TBC1D16: variants seen among roughly 807,000 people sequenced by gnomAD.
The protein encoded by TBC1D16 is TBC1 domain family member 16.
In TBC1D16, 58 loss-of-function variants were observed where a neutral mutation model predicts 74.7. The ratio of observed to expected loss-of-function variants is 0.78; its 90% confidence interval spans 0.63 to 0.97. TBC1D16 has a LOEUF of 0.97. Among genes scored for constraint, TBC1D16 ranks in the 50% least tolerant of loss-of-function variants. TBC1D16 has a pLI of 0.00. For synonymous variants in TBC1D16, 493 were observed against 474.7 expected, an observed-to-expected ratio of 1.04 and a Z score of -0.50; for missense variants, 1,014 against 1,079.5, an observed-to-expected ratio of 0.94 and a Z score of 0.85.
chr17:79,984,660 A>AAGGAAGGAAGGAAG (rs2034754017), intron 3 of TBC1D16, among the ~76,000 whole-genome samples: 1 of 75,086 alleles, frequency 1.3e-5, no homozygotes, highest in African/African-American at 5.0e-5. Flanking sequence ...AAGGAAGGAA[A>AAGGAAGGAAGGAAG]GGAGACAAAC....
chr17:79,977,870 G>A (rs1459711118), intron 3 of TBC1D16, among the ~76,000 whole-genome samples: 3 of 152,236 alleles, frequency 2.0e-5, no homozygotes, highest in Non-Finnish European at 4.4e-5. Context: ...CGATTGATGC[G>A]GCTGCCAGTT....
At chr17:79,951,354 C>G in intron 5 of TBC1D16, 96 bp downstream of exon 5, 1 of 1,470,896 alleles carries the variant, frequency 6.8e-7, no homozygotes, top group Admixed American at 2.1e-5. Context: ...CCCCGGGGCC[C>G]GGGGACCCCA....
chr17:79,950,612 T>C lies in TBC1D16; in HGVS notation c.1090-34A>G, dbSNP rs749570794. The C allele has an allele frequency of 6.2e-7, 1 of 1,602,752 alleles. No individual in the cohort carries two copies. Among genetic ancestry groups the C allele is most frequent in the Non-Finnish European group, 8.5e-7 (1 of 1,174,794 alleles). On this transcript the variant is annotated intron_variant, in intron 5 of 11. Transcript: ENST00000310924. The surrounding 1 kb of genome is among the most constrained non-coding windows in gnomAD (Gnocchi z 4.6). ...GAGGAAAACTGGGCAAAGGTCAGGA[T>C]CTCAGCCGCGCGGCTTCAGAGGCCA...
intron 1 of TBC1D16, among the ~76,000 whole-genome samples, chr17:80,027,891 C>CAAAA (rs71163908): frequency 3.3e-4 from 22 of 66,756 alleles, no homozygotes; most frequent in South Asian, 5.7e-4. Flanking sequence ...GACTCCAACT[C>CAAAA]AAAAAAAAAA....
chr17:79,980,769 CTG>C lies in TBC1D16; in HGVS notation c.780-27953_780-27952del, dbSNP rs2034547315. 6.6e-6 allele frequency among the ~76,000 whole-genome samples: 1 copy of C among 152,222 alleles called. No individual in the cohort carries two copies. Among genetic ancestry groups the C allele is most frequent in the Non-Finnish European group, 1.5e-5 (1 of 68,038 alleles). On this transcript the variant is annotated intron_variant, in intron 3 of 11. Coordinates refer to ENST00000310924, the MANE Select transcript of TBC1D16 (RefSeq NM_019020.4). The surrounding 1 kb of genome is among the most constrained non-coding windows in gnomAD (Gnocchi z 7.0). ...GCAGAGACGTAACGTGCAGGACTGA[CTG>C]GTGCTTCCCAAAAATCTTCTCGGAC...
intron 3 of TBC1D16, among the ~76,000 whole-genome samples, chr17:79,973,480 C>T (rs1268915153): frequency 6.6e-6 from 1 of 152,130 alleles, no homozygotes; most frequent in Non-Finnish European, 1.5e-5. Flanking sequence ...AAGGCCAAGG[C>T]GGGCGGATCA....
chr17:79,949,371 G>A (rs945449880), intron 7 of TBC1D16, among the ~76,000 whole-genome samples: 2 of 152,248 alleles, frequency 1.3e-5, no homozygotes, highest in African/African-American at 4.8e-5. Context: ...CGGGTTAGCA[G>A]ATCCCAAGTG....
At chr17:80,019,310 C>T (rs143860023) in intron 1 of TBC1D16, among the ~76,000 whole-genome samples, 3,209 of 149,918 alleles carry the variant, frequency 0.021, 94 homozygotes, top group Non-Finnish European at 0.032. Flanking sequence ...TGCAGCTTTA[C>T]GGAGGAGAAG....
rs1198146419 is a variant in TBC1D16, at chr17:80,013,395, C to T, written c.153G>A (p.Gly51=). 6.2e-7 allele frequency: 1 copy of T among 1,608,780 alleles called. No individual in the cohort carries two copies. The highest frequency in any genetic ancestry group is 8.5e-7 in the Non-Finnish European group (1 of 1,178,086). Residue 51 remains glycine, a synonymous_variant, in exon 2 of 12, where the codon GGG becomes GGA. Coordinates refer to ENST00000310924, the MANE Select transcript of TBC1D16 (RefSeq NM_019020.4). ...GGTGGTGCTCCCCCAGCCCCTGCAG[C>T]CCCTCCGGCGGGTGCACGCAGACAT... ...KNNVCVHPPE[G]LQGLGEHHPG...
At chr17:80,003,389 A>T (rs982279434) in intron 3 of TBC1D16, among the ~76,000 whole-genome samples, 1 of 151,980 alleles carries the variant, frequency 6.6e-6, no homozygotes, top group Non-Finnish European at 1.5e-5. Flanking sequence ...AGAACGAAAC[A>T]CTCACTTCCC....
At chr17:80,024,602 T>TAGACACACACACCACACACC (rs2036468880) in intron 1 of TBC1D16, among the ~76,000 whole-genome samples, 2 of 105,420 alleles carry the variant, frequency 1.9e-5, no homozygotes, top group African/African-American at 7.9e-5. Flanking sequence ...CCACACACCA[T>TAGACACACACACCACACACC]AGACACACAC....
At chr17:79,960,688 G>A (rs1018586748) in intron 3 of TBC1D16, among the ~76,000 whole-genome samples, 2 of 148,510 alleles carry the variant, frequency 1.3e-5, no homozygotes, top group Non-Finnish European at 3.0e-5. Flanking sequence ...CCCTGGAGGC[G>A]AGGTTGCAGT....
intron 3 of TBC1D16, among the ~76,000 whole-genome samples, chr17:79,999,428 T>C (rs1468366100): frequency 6.6e-6 from 1 of 151,644 alleles, no homozygotes. Context: ...ACAATTACAA[T>C]TCCCAACTTT....
In TBC1D16 at chr17:80,018,517, C is replaced by T. The variant is rs1447875158; in HGVS notation, c.-62-4908G>A. On this transcript the variant is annotated intron_variant, in intron 1 of 11. Coordinates refer to ENST00000310924, the MANE Select transcript of TBC1D16 (RefSeq NM_019020.4). Reference sequence around the variant, plus strand: ...CAGGATGGTCTCGATCTCCTGACCTCGTGATCCGCCTGCCTCGGCCTCCCA... The same window carrying T: ...CAGGATGGTCTCGATCTCCTGACCTTGTGATCCGCCTGCCTCGGCCTCCCA... Among the ~76,000 whole-genome samples, 4 of 149,692 alleles carry T rather than the reference C, an allele frequency of 2.7e-5. 1 individual carries two copies. Among genetic ancestry groups the T allele is most frequent in the African/African-American group, 1.0e-4 (4 of 39,140 alleles).
rs2144383182 is a variant in TBC1D16 at position 79,985,807 on chromosome 17, T to C, written c.779+24353A>G. ...AGCTGTCCTAGAGTATTTGTTCTGC[T>C]GGCTCCCACCTCGCAGCCACAACTT... On this transcript the variant is annotated intron_variant, in intron 3 of 11. Transcript: ENST00000310924. This position sits in a 1 kb window ranked among gnomAD's most constrained non-coding sequence, Gnocchi z 4.9. Among the ~76,000 whole-genome samples the C allele has an allele frequency of 6.6e-6, 1 of 152,342 alleles. No homozygotes were observed. The highest frequency in any genetic ancestry group is 6.5e-5 in the Admixed American group (1 of 15,300).
At chr17:79,946,765 A>G (rs1382519515) in intron 9 of TBC1D16, among the ~76,000 whole-genome samples, 1 of 152,156 alleles carries the variant, frequency 6.6e-6, no homozygotes, top group African/African-American at 2.4e-5. Flanking sequence ...CAGTCCCACC[A>G]CTGGGACTGC....
At position 79,944,033 on chromosome 17, in the gene TBC1D16, A is replaced by T; in HGVS notation, c.1908+875T>A. On this transcript the variant is annotated intron_variant, in intron 10 of 11. Transcript: ENST00000310924. The surrounding 1 kb of genome is among the most constrained non-coding windows in gnomAD (Gnocchi z 7.7). ...CTAGACCCGGGCCAGGGGCGAGCCG[A>T]TGACCGCATGCAAAGGCGGCGTGTG... The T allele has an allele frequency of 6.5e-7, 1 of 1,535,754 alleles. No homozygotes were observed. Among genetic ancestry groups the T allele is most frequent in the Non-Finnish European group, 8.7e-7 (1 of 1,146,714 alleles).
rs2034519353 is a variant in TBC1D16 at position 79,980,092 on chromosome 17, G to A, written c.780-27274C>T. Among the ~76,000 whole-genome samples, 1 of 152,158 alleles carries A rather than the reference G, an allele frequency of 6.6e-6. No individual in the cohort carries two copies. Among genetic ancestry groups the A allele is most frequent in the Non-Finnish European group, 1.5e-5 (1 of 68,016 alleles). ...TGGAGGGTGGCCGCGAGGTTCATCT[G>A]GGCCTCCGAGCCTCCCAGCGCATCC... On this transcript the variant is annotated intron_variant, in intron 3 of 11. Coordinates refer to ENST00000310924, the MANE Select transcript of TBC1D16 (RefSeq NM_019020.4). The surrounding 1 kb of genome is among the most constrained non-coding windows in gnomAD (Gnocchi z 7.0).
intron 3 of TBC1D16, among the ~76,000 whole-genome samples, chr17:79,984,620 TGAAGGAAG>T (rs71287518): frequency 3.1e-4 from 38 of 122,392 alleles, no homozygotes; most frequent in African/African-American, 6.4e-4. Context: ...AGGGAGGGAG[TGAAGGAAG>T]GAAGGAAGGA....
Sources: gnomAD v4.1 joint callset for allele counts (sites outside exome capture counted in the v4.1 genomes callset) on GRCh38, gnomAD v4.1.1 for gene constraint, Gnocchi (gnomAD v3.1) non-coding constraint, MANE v1.5 for transcripts, NCBI Gene and HGNC (gene_info 2026-07-23, HGNC 2026-07-21) for gene names.